The following SYT17 variants were observed in gnomAD, a reference collection of about 807,000 sequenced individuals.
SYT17 encodes synaptotagmin-17.
Under a neutral mutation model 46.7 loss-of-function variants are expected in SYT17, and 22 were observed. The observed-to-expected ratio is 0.47, with a 90% confidence interval of 0.34 to 0.67. The LOEUF (loss-of-function observed/expected upper bound fraction) is 0.67, where lower values mean the gene tolerates loss of function less well. Ranked by LOEUF, SYT17 falls within the 30% of genes least tolerant of loss-of-function variation. The pLI, the probability that SYT17 is intolerant of heterozygous loss-of-function variation, is 0.01. For missense variants in SYT17, 519 were observed against 612.8 expected, an observed-to-expected ratio of 0.85 and a Z score of 1.62; for synonymous variants, 251 against 248.4, an observed-to-expected ratio of 1.01 and a Z score of -0.10.
At chr16:19,197,362 T>C (rs1192344252) in intron 5 of SYT17, among the ~76,000 whole-genome samples, 1 of 152,222 alleles carries the variant, frequency 6.6e-6, no homozygotes, top group African/African-American at 2.4e-5. Context: ...CTTTTTTGTT[T>C]GTTTTGATTT....
intron 5 of SYT17, among the ~76,000 whole-genome samples, chr16:19,222,839 G>C (rs1008276235): frequency 2.0e-5 from 3 of 152,136 alleles, no homozygotes; most frequent in African/African-American, 7.2e-5. Context: ...GCTGTTGAGT[G>C]ATCTAAGAGC....
At chr16:19,185,570 T>G (rs1964753687) in intron 5 of SYT17, among the ~76,000 whole-genome samples, 1 of 151,678 alleles carries the variant, frequency 6.6e-6, no homozygotes, top group African/African-American at 2.4e-5. Flanking sequence ...TCCAGCTCAC[T>G]CCAGCCTGGT....
At chr16:19,203,303 C>T (rs1050109165) in intron 5 of SYT17, among the ~76,000 whole-genome samples, 7 of 147,562 alleles carry the variant, frequency 4.7e-5, no homozygotes, top group Non-Finnish European at 1.0e-4. Context: ...CCAGCCTAGC[C>T]AACATGGTGA....
chr16:19,199,626 C>T (rs1414193128), intron 5 of SYT17, among the ~76,000 whole-genome samples: 1 of 152,108 alleles, frequency 6.6e-6, no homozygotes, highest in Non-Finnish European at 1.5e-5. Flanking sequence ...GTCCTAGTTA[C>T]TTGAGAGGCT....
chr16:19,210,488 G>A lies in SYT17; in HGVS notation c.952-12557G>A, dbSNP rs1965855235. Among the ~76,000 whole-genome samples, 5 of 85,954 alleles carry A rather than the reference G, an allele frequency of 5.8e-5. No individual in the cohort carries two copies. The South Asian group carries it at 1.5e-3, about 27-fold the overall frequency. 56.4% of individuals were successfully genotyped at this position (85,954 alleles called of 152,430 possible). ...TTTAAAAGGGTATTTTTTTTTAAAGGGTATTTTTTTTTTTTAAATACCCTT... is the reference window on the plus strand; with the variant it reads ...TTTAAAAGGGTATTTTTTTTTAAAGAGTATTTTTTTTTTTTAAATACCCTT... On this transcript the variant is annotated intron_variant, in intron 5 of 7. Coordinates refer to ENST00000355377, the MANE Select transcript of SYT17 (RefSeq NM_016524.4).
chr16:19,245,397 C>A (rs1266233377), intron 7 of SYT17, among the ~76,000 whole-genome samples: 1 of 152,110 alleles, frequency 6.6e-6, no homozygotes, highest in South Asian at 2.1e-4. Context: ...AGTGAAGAAA[C>A]CCTGAGCTAG....
chr16:19,261,701 C>A (rs954577220), intron 7 of SYT17, among the ~76,000 whole-genome samples: 4 of 152,196 alleles, frequency 2.6e-5, no homozygotes, highest in African/African-American at 9.7e-5. Flanking sequence ...ATATTGTTTT[C>A]TTCAGGTATA....
intron 7 of SYT17, among the ~76,000 whole-genome samples, chr16:19,265,601 A>G (rs1181422977): frequency 6.6e-6 from 1 of 152,208 alleles, no homozygotes; most frequent in Non-Finnish European, 1.5e-5. Context: ...TATGATATTC[A>G]GCATCCCTCC....
chr16:19,172,200 T>G, intron 1 of SYT17: 1 of 423,978 alleles, frequency 2.4e-6, no homozygotes, highest in Non-Finnish European at 3.3e-6. Flanking sequence ...ACCTCCTTCC[T>G]CAAGAGGACC....
chr16:19,207,672 T>C (rs1353532999), intron 5 of SYT17, among the ~76,000 whole-genome samples: 1 of 152,130 alleles, frequency 6.6e-6, no homozygotes, highest in Non-Finnish European at 1.5e-5. Flanking sequence ...GGGAAAGTTA[T>C]GTAAGGTCAC....
intron 7 of SYT17, among the ~76,000 whole-genome samples, chr16:19,225,343 G>A (rs1488776762): frequency 6.6e-6 from 1 of 152,148 alleles, no homozygotes; most frequent in African/African-American, 2.4e-5. Context: ...AGTCTTCCCA[G>A]AGGATGTAGT....
intron 5 of SYT17, among the ~76,000 whole-genome samples, chr16:19,210,917 G>A (rs1965875934): frequency 6.6e-6 from 1 of 152,128 alleles, no homozygotes. Context: ...AGGAGAGCTG[G>A]GCTCTTGCTA....
At chr16:19,181,727 C>T (rs182248468) in intron 4 of SYT17, among the ~76,000 whole-genome samples, 94 of 150,634 alleles carry the variant, frequency 6.2e-4, no homozygotes, top group South Asian at 6.1e-3. Flanking sequence ...AGTCTGGGCG[C>T]GGTGGCTCAT....
At chr16:19,178,947 C>T (rs1256886731) in intron 3 of SYT17, among the ~76,000 whole-genome samples, 2 of 151,888 alleles carry the variant, frequency 1.3e-5, no homozygotes, top group African/African-American at 4.8e-5. Context: ...ATAGTCCCAG[C>T]TACTCAAGAG....
At chr16:19,221,474 A>C (rs570578003) in intron 5 of SYT17, among the ~76,000 whole-genome samples, 2 of 152,244 alleles carry the variant, frequency 1.3e-5, no homozygotes, top group Non-Finnish European at 2.9e-5. Flanking sequence ...ACAAGTAATT[A>C]TAAGTTAAAA....
At chr16:19,231,523 C>CAAAAAAAAAA (rs143448107) in intron 7 of SYT17, among the ~76,000 whole-genome samples, 49 of 45,852 alleles carry the variant, frequency 1.1e-3, no homozygotes, top group South Asian at 1.4e-3. Context: ...AACTCCATCA[C>CAAAAAAAAAA]AAAAAAAAAA....
intron 5 of SYT17, among the ~76,000 whole-genome samples, chr16:19,210,067 T>A (rs116154225): frequency 0.012 from 1,644 of 131,854 alleles, 28 homozygotes; most frequent in African/African-American, 0.042. Flanking sequence ...CTTTTAGTTT[T>A]ATTATATTTT....
chr16:19,253,650 A>G (rs1201872024), intron 7 of SYT17, among the ~76,000 whole-genome samples: 1 of 151,792 alleles, frequency 6.6e-6, no homozygotes, highest in African/African-American at 2.4e-5. Context: ...TTAAGAAAAG[A>G]AAAGAAAAAA....
At chr16:19,254,562 T>C (rs960239664) in intron 7 of SYT17, among the ~76,000 whole-genome samples, 1 of 152,192 alleles carries the variant, frequency 6.6e-6, no homozygotes, top group African/African-American at 2.4e-5. Flanking sequence ...ATCACCACAC[T>C]GGCTCAGGTG....
Sources: gnomAD v4.1 joint callset for allele counts (sites outside exome capture counted in the v4.1 genomes callset) on GRCh38, gnomAD v4.1.1 for gene constraint, MANE v1.5 for transcripts, NCBI Gene and HGNC (gene_info 2026-07-23, HGNC 2026-07-21) for gene names.